NAV3: variants seen among roughly 807,000 people sequenced by gnomAD.
NAV3 encodes pore membrane and/or filament interacting like protein 1.
NAV3 carries 87 observed loss-of-function variants against 244.7 expected under a neutral mutation model. The observed-to-expected ratio is 0.36, with a 90% CI of 0.30 to 0.42. The LOEUF (loss-of-function observed/expected upper bound fraction) is 0.42, where lower values mean the gene tolerates loss of function less well. Among genes scored for constraint, NAV3 ranks in the 20% least tolerant of loss-of-function variants. NAV3 has a pLI of 1.00. For synonymous variants in NAV3, 1,126 were observed against 1,042.2 expected (o/e 1.08, Z -1.55); for missense variants, 2,663 against 2,893.3 (o/e 0.92, Z 1.83).
chr12:77,795,922 T>C lies in NAV3; in HGVS notation c.73-144397T>C, dbSNP rs1871386526. Among the ~76,000 whole-genome samples, 3 of 152,116 alleles carry C rather than the reference T, an allele frequency of 2.0e-5. No homozygotes were observed. The South Asian group carries it at 6.2e-4, about 31-fold the overall frequency. ...CTACTGCTTGGAAAGAAAAGAACAT[T>C]TTCAAAATATTATGACTCATTGACA... On this transcript the variant is annotated intron_variant, in intron 2 of 8. Transcript: ENST00000550042.
intron 1 of NAV3, among the ~76,000 whole-genome samples, chr12:77,873,580 A>G (rs1881322561): frequency 6.7e-6 from 1 of 149,578 alleles, no homozygotes; most frequent in East Asian, 2.0e-4. Flanking sequence ...TGTCTTAGCA[A>G]AGGACTTTAC....
Position 78,122,487 on chromosome 12 carries a change from C to A in NAV3, c.4238+59C>A. ...CCCCTCTTCCCTGCACTATGCCTAACCCCCACCCCATTAAATTCCCTTGAT... is the reference window on the plus strand; with the variant it reads ...CCCCTCTTCCCTGCACTATGCCTAAACCCCACCCCATTAAATTCCCTTGAT... On this transcript the variant is annotated intron_variant, in intron 16 of 39. Transcript: ENST00000397909. The A allele has an allele frequency of 5.3e-6, 8 of 1,496,700 alleles. No individual in the cohort carries two copies. In the South Asian group the frequency reaches 1.1e-4, roughly 20 times the overall value. The allele number at this position is 1,496,700 out of a possible 1,614,324, so 92.7% of individuals were successfully genotyped here.
intron 20 of NAV3, among the ~76,000 whole-genome samples, chr12:78,142,664 T>A (rs1388416290): frequency 8.2e-6 from 1 of 122,140 alleles, no homozygotes; most frequent in Non-Finnish European, 1.7e-5. Flanking sequence ...AGAGTATGTA[T>A]ATATATACAT....
intron 2 of NAV3, among the ~76,000 whole-genome samples, chr12:77,637,146 A>G (rs1450545666): frequency 6.6e-6 from 1 of 152,196 alleles, no homozygotes; most frequent in Non-Finnish European, 1.5e-5. Flanking sequence ...TAATAAAAAA[A>G]GGAAAAATAA....
chr12:78,051,172 C>A (rs2137266261), intron 11 of NAV3, 25 bp downstream of exon 11: 1 of 1,581,812 alleles, frequency 6.3e-7, no homozygotes, highest in Non-Finnish European at 8.6e-7. Context: ...TCTCCGTCAG[C>A]ATTGTGTGAA....
intron 2 of NAV3, among the ~76,000 whole-genome samples, chr12:77,617,528 C>T (rs1049013053): frequency 6.6e-6 from 1 of 152,188 alleles, no homozygotes; most frequent in Non-Finnish European, 1.5e-5. Flanking sequence ...GGTTTGTATG[C>T]CCACTATGCA....
At chr12:77,703,148 T>C (rs1875636533) in intron 2 of NAV3, among the ~76,000 whole-genome samples, 1 of 152,098 alleles carries the variant, frequency 6.6e-6, no homozygotes. Flanking sequence ...AGAACATTTC[T>C]TTATCTCAGA....
chr12:77,803,633 G>A (rs1871826489), intron 2 of NAV3, among the ~76,000 whole-genome samples: 1 of 152,128 alleles, frequency 6.6e-6, no homozygotes, highest in Non-Finnish European at 1.5e-5. Flanking sequence ...AATCCTTTGG[G>A]TATATGCCCA....
chr12:77,711,613 G>T (rs1876116860), intron 2 of NAV3, among the ~76,000 whole-genome samples: 1 of 152,194 alleles, frequency 6.6e-6, no homozygotes, highest in Admixed American at 6.5e-5. Flanking sequence ...AAGGGCAGGT[G>T]CCCTGATGTC....
chr12:78,195,836 G>T (rs528431215), intron 34 of NAV3, among the ~76,000 whole-genome samples: 1 of 152,060 alleles, frequency 6.6e-6, no homozygotes, highest in Admixed American at 6.6e-5. Context: ...GATATCATTT[G>T]TAACATTTAA....
intron 21 of NAV3, among the ~76,000 whole-genome samples, chr12:78,147,665 A>T (rs1956918520): frequency 6.6e-6 from 1 of 151,796 alleles, no homozygotes; most frequent in African/African-American, 2.4e-5. Context: ...AAATTATATA[A>T]GTGTCTACTG....
chr12:77,960,040 G>A (rs2219807), intron 3 of NAV3, among the ~76,000 whole-genome samples: 110,064 of 151,250 alleles, frequency 0.73, 40,269 homozygotes, highest in African/African-American at 0.81. Flanking sequence ...ATAGTCAACA[G>A]TAATGCATTA....
intron 8 of NAV3, among the ~76,000 whole-genome samples, chr12:78,020,141 T>C (rs1299048520): frequency 6.6e-6 from 1 of 152,178 alleles, no homozygotes; most frequent in African/African-American, 2.4e-5. Flanking sequence ...CTTCTTTTTC[T>C]ACTACCCAGA....
At chr12:77,972,339 A>T (rs934651042) in intron 5 of NAV3, among the ~76,000 whole-genome samples, 1 of 152,180 alleles carries the variant, frequency 6.6e-6, no homozygotes, top group African/African-American at 2.4e-5. Flanking sequence ...TCTTAAATTC[A>T]TTACAGGGTA....
At chr12:78,209,464 G>A (rs1456511294) in intron 39 of NAV3, among the ~76,000 whole-genome samples, 2 of 151,254 alleles carry the variant, frequency 1.3e-5, no homozygotes, top group Admixed American at 1.3e-4. Context: ...CACTACCCTT[G>A]TAAAGACATG....
intron 2 of NAV3, among the ~76,000 whole-genome samples, chr12:77,722,309 A>T (rs1360639713): frequency 2.6e-5 from 4 of 152,022 alleles, no homozygotes; most frequent in Non-Finnish European, 5.9e-5. Context: ...TCAGGAAAAG[A>T]TGAATTCAGG....
chr12:77,996,880 C>T (rs1307067460), intron 6 of NAV3, among the ~76,000 whole-genome samples: 1 of 152,140 alleles, frequency 6.6e-6, no homozygotes, highest in African/African-American at 2.4e-5. Flanking sequence ...CAGTGACATT[C>T]ACATGGTGGC....
At chr12:77,856,952 C>A (rs1030162604) in intron 1 of NAV3, among the ~76,000 whole-genome samples, 1 of 152,070 alleles carries the variant, frequency 6.6e-6, no homozygotes, top group African/African-American at 2.4e-5. Flanking sequence ...TTTTAGATTT[C>A]ATTTAGCAGT....
chr12:78,018,410 A>G lies in NAV3; in HGVS notation c.1908-3337A>G, dbSNP rs189750781. Among the ~76,000 whole-genome samples the G allele has an allele frequency of 5.9e-5, 9 of 152,298 alleles. No individual in the cohort carries two copies. The East Asian group carries it at 1.7e-3, about 29-fold the overall frequency. ...CAGCTTCTGAAGAATTCTTTTTAAG[A>G]GCTGTTTGCTTTTAGTAGAGCAAAA... On this transcript the variant is annotated intron_variant, in intron 8 of 39. Transcript: ENST00000397909.
Sources: gnomAD v4.1 joint callset for allele counts (sites outside exome capture counted in the v4.1 genomes callset) on GRCh38, gnomAD v4.1.1 for gene constraint, MANE v1.5 for transcripts, NCBI Gene and HGNC (gene_info 2026-07-23, HGNC 2026-07-21) for gene names.